The following CDK14 variants were observed in gnomAD, a reference collection of about 807,000 sequenced individuals.
CDK14 encodes the protein cyclin-dependent kinase 14.
CDK14 carries 34 observed loss-of-function variants against 60.7 expected under a neutral mutation model. The observed-to-expected ratio is 0.56, with a 90% CI of 0.43 to 0.75. The LOEUF (loss-of-function observed/expected upper bound fraction) is 0.75. Ranked by LOEUF, CDK14 falls within the 30% of genes least tolerant of loss-of-function variation. CDK14 has a pLI of 0.00. For missense variants in CDK14, 482 were observed against 564.1 expected (o/e 0.85, Z 1.47); for synonymous variants, 197 against 203.7 (o/e 0.97, Z 0.28).
At chr7:90,916,503 TAGTC>T (rs1793087292) in intron 7 of CDK14, among the ~76,000 whole-genome samples, 1 of 152,206 alleles carries the variant, frequency 6.6e-6, no homozygotes, top group Non-Finnish European at 1.5e-5. Context: ...AGCCCCTGCT[TAGTC>T]AGAACATTCC....
chr7:90,880,040 G>A (rs1006923091), intron 6 of CDK14, among the ~76,000 whole-genome samples: 39 of 152,278 alleles, frequency 2.6e-4, no homozygotes, highest in African/African-American at 6.0e-4. Flanking sequence ...GATTCTTACC[G>A]CCTCTCAGCT....
rs997111601 is a variant in CDK14, at chr7:90,686,673, A to G, written c.124-39894A>G. On this transcript the variant is annotated intron_variant, in intron 2 of 14. Transcript: ENST00000380050. ...TGTCAACTAAATGAATTAACCAGAAAGCATAATATAGAGTGCATAAGATGA... is the reference window on the plus strand; with the variant it reads ...TGTCAACTAAATGAATTAACCAGAAGGCATAATATAGAGTGCATAAGATGA... Among the ~76,000 whole-genome samples, 5 of 152,182 alleles carry G rather than the reference A, an allele frequency of 3.3e-5. 1 individual carries two copies. Among genetic ancestry groups the G allele is most frequent in the Admixed American group, 3.3e-4 (5 of 15,262 alleles).
chr7:91,045,796 C>A, intron 10 of CDK14, 101 bp from the exon 11 acceptor site: 1 of 693,742 alleles, frequency 1.4e-6, no homozygotes, highest in Non-Finnish European at 2.5e-6. Flanking sequence ...AAAAAAATAC[C>A]AGAGTTTCAT....
At chr7:90,968,936 C>T (rs548131630) in intron 9 of CDK14, among the ~76,000 whole-genome samples, 3 of 152,102 alleles carry the variant, frequency 2.0e-5, no homozygotes, top group African/African-American at 4.8e-5. Flanking sequence ...TACAGAATGT[C>T]GAGAGGTGCA....
intron 2 of CDK14, among the ~76,000 whole-genome samples, chr7:90,659,909 G>A (rs746883630): frequency 1.3e-5 from 2 of 150,698 alleles, no homozygotes; most frequent in Admixed American, 1.3e-4. Context: ...GTGCACGCAC[G>A]TGCTCATGGG....
intron 2 of CDK14, among the ~76,000 whole-genome samples, chr7:90,711,924 A>C (rs1186797221): frequency 1.5e-5 from 2 of 133,506 alleles, no homozygotes; most frequent in Admixed American, 8.4e-5. Context: ...GGGTCTCACT[A>C]TGTTGGCCAG....
chr7:90,666,978 T>C (rs1800993253), intron 2 of CDK14, among the ~76,000 whole-genome samples: 1 of 152,230 alleles, frequency 6.6e-6, no homozygotes. Flanking sequence ...ATTCAACCCT[T>C]AGCAAGGTTT....
intron 2 of CDK14, chr7:90,692,622 C>T (rs1801575438): frequency 4.4e-6 from 4 of 919,284 alleles, no homozygotes; most frequent in Non-Finnish European, 5.2e-6. Context: ...GAGGGCTCTG[C>T]CTGGTGGAGA....
At chr7:90,639,393 C>T (rs1467025150) in intron 2 of CDK14, among the ~76,000 whole-genome samples, 1 of 152,100 alleles carries the variant, frequency 6.6e-6, no homozygotes, top group Non-Finnish European at 1.5e-5. Flanking sequence ...TAGAGGTCCA[C>T]TCCAGACCCT....
At chr7:90,852,255 T>C (rs1790671109) in intron 5 of CDK14, among the ~76,000 whole-genome samples, 1 of 152,172 alleles carries the variant, frequency 6.6e-6, no homozygotes. Context: ...CAAGGAGATT[T>C]AGGATGTCTT....
At chr7:90,766,012 G>A (rs1199329399) in intron 4 of CDK14, among the ~76,000 whole-genome samples, 1 of 151,268 alleles carries the variant, frequency 6.6e-6, no homozygotes, top group African/African-American at 2.4e-5. Flanking sequence ...TCTTTTTATT[G>A]TCGGCTTCAT....
At chr7:90,904,969 T>G (rs1379612788) in intron 7 of CDK14, among the ~76,000 whole-genome samples, 2 of 152,172 alleles carry the variant, frequency 1.3e-5, no homozygotes, top group African/African-American at 4.8e-5. Context: ...CAGTGAAGTA[T>G]GAAGGTAAAA....
intron 14 of CDK14, among the ~76,000 whole-genome samples, chr7:91,138,197 G>A (rs1446364119): frequency 6.6e-6 from 1 of 152,082 alleles, no homozygotes; most frequent in Non-Finnish European, 1.5e-5. Context: ...TGTAGCTGTG[G>A]GGATATAATT....
At chr7:90,626,190 C>T (rs1246857152) in intron 2 of CDK14, among the ~76,000 whole-genome samples, 1 of 152,106 alleles carries the variant, frequency 6.6e-6, no homozygotes, top group Non-Finnish European at 1.5e-5. Flanking sequence ...AAATTATTGG[C>T]TATTGTCAGT....
chr7:90,771,773 A>G (rs1804793270), intron 4 of CDK14, among the ~76,000 whole-genome samples: 1 of 152,282 alleles, frequency 6.6e-6, no homozygotes, highest in East Asian at 1.9e-4. Context: ...GAGAATGGAC[A>G]TTGTCACTCT....
At chr7:90,965,832 A>G (rs186150717) in intron 9 of CDK14, among the ~76,000 whole-genome samples, 5 of 152,260 alleles carry the variant, frequency 3.3e-5, no homozygotes, top group Admixed American at 2.0e-4. Flanking sequence ...TTTTCAATAC[A>G]TTGTTTTATT....
intron 8 of CDK14, among the ~76,000 whole-genome samples, chr7:90,938,243 CT>C (rs1306720927): frequency 1.3e-5 from 2 of 152,194 alleles, no homozygotes; most frequent in South Asian, 2.1e-4. Context: ...AATAATCCAT[CT>C]TTGTTTTGTG....
intron 14 of CDK14, among the ~76,000 whole-genome samples, chr7:91,131,940 T>TA (rs1800130052): frequency 6.6e-6 from 1 of 152,156 alleles, no homozygotes; most frequent in African/African-American, 2.4e-5. Flanking sequence ...ATTGATTGAC[T>TA]TAGTGAATAT....
At chr7:90,722,039 G>A (rs1048184671) in intron 2 of CDK14, among the ~76,000 whole-genome samples, 7 of 151,976 alleles carry the variant, frequency 4.6e-5, no homozygotes, top group African/African-American at 1.5e-4. Context: ...CAGGCTGCTC[G>A]CTTTTCTCTT....
Sources: gnomAD v4.1 joint callset for allele counts (sites outside exome capture counted in the v4.1 genomes callset) on GRCh38, gnomAD v4.1.1 for gene constraint, MANE v1.5 for transcripts, NCBI Gene and HGNC (gene_info 2026-07-23, HGNC 2026-07-21) for gene names.